CMTM1: variants seen among roughly 807,000 people sequenced by gnomAD.
CMTM1 encodes CKLF-like MARVEL transmembrane domain-containing protein 1.
CMTM1 carries 16 observed loss-of-function variants against 17.8 expected under a neutral mutation model. That is an observed-to-expected ratio of 0.90 (90% CI 0.61 to 1.37). The LOEUF (loss-of-function observed/expected upper bound fraction) is 1.37. Ranked by LOEUF, CMTM1 falls within the 40% of genes most tolerant of loss-of-function variation. The probability of loss-of-function intolerance (pLI) is 0.00; values close to 1 mark genes in which losing one functional copy is unlikely to be tolerated. For synonymous variants in CMTM1, 169 were observed against 154.6 expected, an observed-to-expected ratio of 1.09 and a Z score of -0.69; for missense variants, 354 against 375.6, an observed-to-expected ratio of 0.94 and a Z score of 0.47.
chr16:66,574,768 G>T (rs2014015557), intron 2 of CMTM1, among the ~76,000 whole-genome samples: 1 of 152,154 alleles, frequency 6.6e-6, no homozygotes, highest in Non-Finnish European at 1.5e-5. Flanking sequence ...TGTAATCTAA[G>T]ACCACAGCTG....
intron 3 of CMTM1, among the ~76,000 whole-genome samples, chr16:66,578,205 C>A (rs1405897371): frequency 6.6e-6 from 1 of 152,178 alleles, no homozygotes; most frequent in Non-Finnish European, 1.5e-5. Context: ...CCCCAGGTAT[C>A]CATTTCTTAC....
intron 2 of CMTM1, among the ~76,000 whole-genome samples, chr16:66,575,561 TG>T (rs2014125510): frequency 1.3e-5 from 2 of 152,198 alleles, no homozygotes; most frequent in Admixed American, 1.3e-4. Context: ...CCTCCTTATT[TG>T]GGTGTCCCTC....
chr16:66,572,681 A>G (rs1229558776), intron 2 of CMTM1, among the ~76,000 whole-genome samples: 1 of 152,158 alleles, frequency 6.6e-6, no homozygotes, highest in African/African-American at 2.4e-5. Context: ...GAGAGTGCCC[A>G]GCATGCAGCT....
chr16:66,578,731 C>T, intron 3 of CMTM1, 100 bp from the exon 4 acceptor site: 1 of 1,513,084 alleles, frequency 6.6e-7, no homozygotes, highest in Non-Finnish European at 8.9e-7. Context: ...AGGAGGCCAC[C>T]CGCAGCGCCC....
intron 1 of CMTM1, among the ~76,000 whole-genome samples, chr16:66,567,651 A>G (rs976939805): frequency 4.6e-5 from 7 of 152,246 alleles, no homozygotes; most frequent in Non-Finnish European, 1.0e-4. Flanking sequence ...AACAAAAATA[A>G]TAGAATCAGT....
chr16:66,577,303 C>A, intron 3 of CMTM1, 101 bp downstream of exon 3: 1 of 796,622 alleles, frequency 1.3e-6, no homozygotes, highest in Non-Finnish European at 2.0e-6. Context: ...GCAAAATCCC[C>A]ACTGCCACCC....
At chr16:66,568,736 A>G (rs2013006465) in intron 1 of CMTM1, among the ~76,000 whole-genome samples, 1 of 152,098 alleles carries the variant, frequency 6.6e-6, no homozygotes, top group Middle Eastern at 3.2e-3. Context: ...AAATTCAAAA[A>G]TTAGCCAGTC....
intron 2 of CMTM1, chr16:66,575,019 G>A (rs1280948462): frequency 1.0e-6 from 1 of 985,338 alleles, no homozygotes; most frequent in Non-Finnish European, 1.2e-6. Flanking sequence ...CTCTCGCTCA[G>A]CCTGCAGAAC....
chr16:66,577,196 C>T lies in CMTM1; in HGVS notation c.684C>T (p.Val228=), dbSNP rs140837467. The change falls in exon 3 of 4, where the codon GTC becomes GTT. Residue 228 remains valine, a synonymous_variant. Transcript: ENST00000379500. The part of the protein sequence containing the change: ...QEKKRRHLLY[V]GGSLCLTAVI... ...AGAAAAGAAGGCATTTACTCTATGTCGGGGGGGTAAGTAGAGGCCTTCATG... is the reference window on the plus strand; with the variant it reads ...AGAAAAGAAGGCATTTACTCTATGTTGGGGGGGTAAGTAGAGGCCTTCATG... 309 of 1,612,922 alleles carry T rather than the reference C, an allele frequency of 1.9e-4. 2 individuals carry two copies. In the East Asian group the frequency reaches 5.4e-3, roughly 28 times the overall value.
rs774768645 is a variant in CMTM1 at position 66,578,844 on chromosome 16, C to T, written c.704C>T (p.Thr235Ile). 1 of 1,614,118 alleles carries T rather than the reference C, an allele frequency of 6.2e-7. No homozygotes were observed. The highest frequency in any genetic ancestry group is 2.2e-5 in the East Asian group (1 of 44,860). ...TGTATCTGACAGTCCCTGTGTCTCA[C>T]AGCGGTAATCGTGTGTTGCATCGAT... The part of the protein sequence containing the change: ...LLYVGGSLCL[T>I]AVIVCCIDAF... The change falls in exon 4 of 4, where the codon ACA becomes ATA. Residue 235 changes from threonine to isoleucine, a missense_variant. Physicochemically the swap from Thr to Ile is moderately conservative, Grantham distance 89. Transcript: ENST00000379500.
At chr16:66,570,778 T>C (rs2013402423) in intron 2 of CMTM1, among the ~76,000 whole-genome samples, 1 of 152,162 alleles carries the variant, frequency 6.6e-6, no homozygotes, top group East Asian at 1.9e-4. Context: ...AGCCTCAGTT[T>C]CCCCATTTAA....
intron 1 of CMTM1, chr16:66,567,187 C>T (rs1397989962): frequency 2.7e-5 from 16 of 591,248 alleles, no homozygotes; most frequent in Non-Finnish European, 3.2e-5. Context: ...CTTTAACTTA[C>T]GGGGTACATG....
In CMTM1 at chr16:66,579,074, T is replaced by C; in HGVS notation, c.*73T>C. On this transcript the variant is annotated 3_prime_UTR_variant, in exon 4 of 4. Transcript: ENST00000379500. This position sits in a 1 kb window ranked among gnomAD's most constrained non-coding sequence, Gnocchi z 6.5. ...CTCCGAGCCCACCCCCGAGCTCGCA[T>C]GCTGTCACCCATTCCAGCCTAAATG... 3.2e-6 allele frequency: 5 copies of C among 1,564,558 alleles called. No homozygotes were observed. In the South Asian group the frequency reaches 5.9e-5, roughly 18 times the overall value.
In CMTM1 at chr16:66,578,886, C is replaced by G; in HGVS notation, c.746C>G (p.Thr249Arg). Residue 249 changes from threonine to arginine, a missense_variant, in exon 4 of 4, where the codon ACG (threonine) becomes AGG (arginine). By Grantham distance (71) the Thr-to-Arg change is moderately conservative. Coordinates refer to ENST00000379500, the MANE Select transcript of CMTM1 (RefSeq NM_052999.4). ...TGCATCGATGCGTTTGTGGTCACCA[C>G]GAAGATGAGGACCAACTTGAAAAGA... ...VCCIDAFVVT[T>R]KMRTNLKRFL... 6.2e-7 allele frequency: 1 copy of G among 1,614,196 alleles called. No individual in the cohort carries two copies. The highest frequency in any genetic ancestry group is 1.3e-5 in the African/African-American group (1 of 75,042).
chr16:66,578,432 T>C (rs2014529036), intron 3 of CMTM1, among the ~76,000 whole-genome samples: 1 of 152,164 alleles, frequency 6.6e-6, no homozygotes, highest in African/African-American at 2.4e-5. Flanking sequence ...GAGACCCTAG[T>C]CCAGTGCCTG....
intron 1 of CMTM1, among the ~76,000 whole-genome samples, chr16:66,567,735 GA>G (rs2012804181): frequency 6.6e-6 from 1 of 152,108 alleles, no homozygotes; most frequent in Non-Finnish European, 1.5e-5. Context: ...AAAGGGGGAA[GA>G]AAAGACATAT....
rs1303936418 is a variant in CMTM1, at chr16:66,578,828, C to T, written c.691-3C>T. 1 of 1,613,794 alleles carries T rather than the reference C, an allele frequency of 6.2e-7. No individual in the cohort carries two copies. The highest frequency in any genetic ancestry group is 1.3e-5 in the African/African-American group (1 of 74,924). On this transcript the variant is annotated splice_polypyrimidine_tract_variant and splice_region_variant and intron_variant, in intron 3 of 3. Coordinates refer to ENST00000379500, the MANE Select transcript of CMTM1 (RefSeq NM_052999.4). ...TTCCCGCATATGGTCTTGTATCTGA[C>T]AGTCCCTGTGTCTCACAGCGGTAAT...
At chr16:66,568,111 C>G (rs2012877042) in intron 1 of CMTM1, among the ~76,000 whole-genome samples, 1 of 152,128 alleles carries the variant, frequency 6.6e-6, no homozygotes, top group South Asian at 2.1e-4. Flanking sequence ...CAGTATAATA[C>G]TGATAGGAAA....
intron 2 of CMTM1, among the ~76,000 whole-genome samples, chr16:66,576,135 G>A (rs1466135911): frequency 6.6e-6 from 1 of 152,148 alleles, no homozygotes; most frequent in Non-Finnish European, 1.5e-5. Context: ...GGTGGCTCAC[G>A]CCTATAATCC....
Sources: allele counts gnomAD v4.1 joint callset (sites outside exome capture counted in the v4.1 genomes callset), GRCh38; gene constraint gnomAD v4.1.1; non-coding constraint Gnocchi (gnomAD v3.1); transcripts MANE v1.5; gene names NCBI Gene and HGNC (gene_info 2026-07-23, HGNC 2026-07-21).